Variants in PARD6G observed in about 807,000 individuals in gnomAD.
PARD6G encodes the protein partitioning defective 6 homolog gamma.
Under a neutral mutation model 10.7 loss-of-function variants are expected in PARD6G, and 7 were observed. The observed-to-expected ratio is 0.66, with a 90% CI of 0.37 to 1.23. The LOEUF is 1.23. PARD6G is among the 50% of genes most tolerant of loss of function. The pLI is 0.02. For synonymous variants in PARD6G, 287 were observed against 269.4 expected, an observed-to-expected ratio of 1.07 and a Z score of -0.64; for missense variants, 548 against 571.8, an observed-to-expected ratio of 0.96 and a Z score of 0.42.
intron 1 of PARD6G, among the ~76,000 whole-genome samples, chr18:80,236,986 T>G (rs1252404108): frequency 2.0e-5 from 3 of 152,124 alleles, no homozygotes; most frequent in Non-Finnish European, 4.4e-5. Context: ...CTGCACAGAA[T>G]TGGAAAAAAC....
chr18:80,239,520 A>T (rs1967466320), intron 1 of PARD6G, among the ~76,000 whole-genome samples: 2 of 152,228 alleles, frequency 1.3e-5, no homozygotes, highest in Admixed American at 1.3e-4. Context: ...CACGTTATTC[A>T]AAGCCATCCT....
chr18:80,167,070 C>G (rs549285174), intron 2 of PARD6G, among the ~76,000 whole-genome samples: 1 of 152,254 alleles, frequency 6.6e-6, no homozygotes, highest in African/African-American at 2.4e-5. Context: ...AGACAATGGC[C>G]AATCAAAACA....
chr18:80,197,794 T>C (rs940361090), intron 2 of PARD6G, among the ~76,000 whole-genome samples: 1 of 152,236 alleles, frequency 6.6e-6, no homozygotes. Context: ...AGGGCCAGCT[T>C]CCCAAAACAT....
chr18:80,244,393 A>G (rs1308142078), intron 1 of PARD6G, among the ~76,000 whole-genome samples: 1 of 152,168 alleles, frequency 6.6e-6, no homozygotes, highest in East Asian at 1.9e-4. Context: ...AGGAAAAGCC[A>G]CCAGGTCAAG....
chr18:80,174,537 T>C (rs908152097), intron 2 of PARD6G, among the ~76,000 whole-genome samples: 1 of 152,176 alleles, frequency 6.6e-6, no homozygotes, highest in Admixed American at 6.5e-5. Context: ...AAAAGACTCA[T>C]GGATGCAGCC....
intron 1 of PARD6G, among the ~76,000 whole-genome samples, chr18:80,233,985 G>C (rs992948180): frequency 6.6e-6 from 1 of 152,162 alleles, no homozygotes; most frequent in African/African-American, 2.4e-5. Flanking sequence ...CCCTCCGAGT[G>C]TAGAAGGGAT....
chr18:80,206,234 A>G (rs183540853), intron 1 of PARD6G, among the ~76,000 whole-genome samples: 1 of 152,368 alleles, frequency 6.6e-6, no homozygotes, highest in African/African-American at 2.4e-5. Context: ...TATGGTAAAC[A>G]TGCTTCATAT....
intron 1 of PARD6G, among the ~76,000 whole-genome samples, chr18:80,232,727 C>T (rs901702372): frequency 6.6e-6 from 1 of 152,152 alleles, no homozygotes; most frequent in Admixed American, 6.5e-5. Context: ...GCCCCATCTC[C>T]ACCAGACAGA....
At chr18:80,178,666 C>T (rs2052830474) in intron 2 of PARD6G, among the ~76,000 whole-genome samples, 1 of 152,206 alleles carries the variant, frequency 6.6e-6, no homozygotes, top group South Asian at 2.1e-4. Flanking sequence ...ATGGTTCCTG[C>T]CAGGATGGGA....
rs1360053849 is a variant in PARD6G at position 80,188,176 on chromosome 18, C to T, written c.295+14534G>A. Among the ~76,000 whole-genome samples, 3 of 152,198 alleles carry T rather than the reference C, an allele frequency of 2.0e-5. No homozygotes were observed. The highest frequency in any genetic ancestry group is 6.5e-5 in the Admixed American group (1 of 15,284). ...CAGTATTTCTATCCCTCCTCAGTCT[C>T]TGCTACAGTTAATTAGATACAATTT... On this transcript the variant is annotated intron_variant, in intron 2 of 2. Coordinates refer to ENST00000353265, the MANE Select transcript of PARD6G (RefSeq NM_032510.4). The surrounding 1 kb of genome is among the most constrained non-coding windows in gnomAD (Gnocchi z 5.4).
chr18:80,242,757 G>A (rs1217793562), intron 1 of PARD6G, among the ~76,000 whole-genome samples: 2 of 152,196 alleles, frequency 1.3e-5, no homozygotes, highest in African/African-American at 4.8e-5. Context: ...AAACCAGGCA[G>A]TTGAAAATAA....
chr18:80,199,743 A>G (rs1966992091), intron 2 of PARD6G, among the ~76,000 whole-genome samples: 1 of 152,180 alleles, frequency 6.6e-6, no homozygotes, highest in African/African-American at 2.4e-5. Flanking sequence ...CCTGGGTTCA[A>G]GCGATTTCTC....
intron 2 of PARD6G, among the ~76,000 whole-genome samples, chr18:80,164,580 C>T (rs1476425481): frequency 6.6e-6 from 1 of 152,204 alleles, no homozygotes; most frequent in Non-Finnish European, 1.5e-5. Context: ...ACCCACCTAA[C>T]AATAATGTAA....
chr18:80,208,103 A>T (rs1967071663), intron 1 of PARD6G, among the ~76,000 whole-genome samples: 1 of 152,176 alleles, frequency 6.6e-6, no homozygotes, highest in African/African-American at 2.4e-5. Flanking sequence ...AAATCACTGC[A>T]GCATTTAGAT....
chr18:80,160,637 C>G, intron 2 of PARD6G, 31 bp from the exon 3 acceptor site: 4 of 1,431,878 alleles, frequency 2.8e-6, no homozygotes, highest in Non-Finnish European at 3.6e-6. Context: ...AGAGGGGACA[C>G]ACAACCGAGC....
chr18:80,162,179 A>T (rs1440590818), intron 2 of PARD6G: 1 of 152,098 alleles, frequency 6.6e-6, no homozygotes, highest in Admixed American at 6.5e-5. Flanking sequence ...CATGCTGCTC[A>T]GTGACGGAAC....
In PARD6G at chr18:80,180,436, G is replaced by C. The variant is rs953160059; in HGVS notation, c.296-19830C>G. 2.0e-5 allele frequency among the ~76,000 whole-genome samples: 3 copies of C among 152,144 alleles called. No individual in the cohort carries two copies. The highest frequency in any genetic ancestry group is 2.1e-4 in the South Asian group (1 of 4,832). On this transcript the variant is annotated intron_variant, in intron 2 of 2. Transcript: ENST00000353265. This position sits in a 1 kb window ranked among gnomAD's most constrained non-coding sequence, Gnocchi z 5.6. The stretch of plus-strand genomic sequence containing the variant: ...GCTGTGGCCTCACAGAGGCTCCCAG[G>C]CTACACTGGAGGAGGCTCTGCTCCA...
In PARD6G at chr18:80,179,667, C is replaced by A. The variant is rs577371612; in HGVS notation, c.296-19061G>T. ...CACAACGGTGTGGTCTCACTGCTGC[C>A]CCTGGCCACTGCCTGTGCCTTCCGG... On this transcript the variant is annotated intron_variant, in intron 2 of 2. Transcript: ENST00000353265. 2.8e-4 allele frequency among the ~76,000 whole-genome samples: 42 copies of A among 152,356 alleles called. No individual in the cohort carries two copies. The South Asian group carries it at 7.7e-3, about 28-fold the overall frequency.
chr18:80,205,098 C>T (rs906518245), intron 1 of PARD6G, among the ~76,000 whole-genome samples: 4 of 152,134 alleles, frequency 2.6e-5, no homozygotes, highest in East Asian at 1.9e-4. Context: ...GCTCTGAACA[C>T]GGCTGCACCC....
Sources: gnomAD v4.1 joint callset for allele counts (sites outside exome capture counted in the v4.1 genomes callset) on GRCh38, gnomAD v4.1.1 for gene constraint, Gnocchi (gnomAD v3.1) non-coding constraint, MANE v1.5 for transcripts, NCBI Gene and HGNC (gene_info 2026-07-23, HGNC 2026-07-21) for gene names.